Variants in EPHA5 observed in about 807,000 individuals in gnomAD.
EPHA5 encodes EPH receptor A5.
In EPHA5, 60 loss-of-function variants were observed where a neutral mutation model predicts 105.0. The observed-to-expected ratio is 0.57, with a 90% CI of 0.46 to 0.71. The LOEUF (loss-of-function observed/expected upper bound fraction) is 0.71, where lower values mean the gene tolerates loss of function less well. Among genes scored for constraint, EPHA5 ranks in the 30% least tolerant of loss-of-function variants. EPHA5 has a pLI of 0.00. For missense variants in EPHA5, 1,218 were observed against 1,274.7 expected (o/e 0.96, Z 0.68); for synonymous variants, 513 against 449.1 (o/e 1.14, Z -1.80).
Position 65,386,260 on chromosome 4 carries a change from A to C in EPHA5, c.1793+18114T>G, listed in dbSNP as rs1025901893. 3.3e-5 allele frequency among the ~76,000 whole-genome samples: 5 copies of C among 152,074 alleles called. No homozygotes were observed. The South Asian group carries it at 8.3e-4, about 25-fold the overall frequency. On this transcript the variant is annotated intron_variant, in intron 8 of 16. Transcript: ENST00000613740. ...CTAATGACTGTACTTTTTGCTTATA[A>C]GTGAATGATCTCATTAAATCTAAAA... is the stretch of plus-strand genomic sequence containing the variant.
At chr4:65,557,800 A>G (rs1738603498) in intron 3 of EPHA5, among the ~76,000 whole-genome samples, 1 of 152,156 alleles carries the variant, frequency 6.6e-6, no homozygotes, top group African/African-American at 2.4e-5. Context: ...GTGAGTTCAA[A>G]AACGAAAATG....
chr4:65,448,762 T>G (rs192526178), intron 5 of EPHA5, among the ~76,000 whole-genome samples: 42 of 152,318 alleles, frequency 2.8e-4, no homozygotes, highest in African/African-American at 9.6e-4. Context: ...TATGTGAGTG[T>G]ATTATATATT....
intron 3 of EPHA5, among the ~76,000 whole-genome samples, chr4:65,499,250 A>G (rs1732249625): frequency 6.6e-6 from 1 of 151,706 alleles, no homozygotes; most frequent in Admixed American, 6.6e-5. Flanking sequence ...AATAGAATAA[A>G]ATGTATCCTT....
intron 11 of EPHA5, among the ~76,000 whole-genome samples, chr4:65,364,108 A>G (rs746492085): frequency 6.6e-6 from 1 of 151,542 alleles, no homozygotes; most frequent in African/African-American, 2.4e-5. Flanking sequence ...ATGTGTGGGT[A>G]TATACTCAAC....
intron 3 of EPHA5, among the ~76,000 whole-genome samples, chr4:65,559,167 A>C (rs1365976243): frequency 1.3e-5 from 2 of 152,004 alleles, no homozygotes; most frequent in African/African-American, 4.8e-5. Context: ...TTTGTGGTAA[A>C]TTTCCCTATT....
chr4:65,590,063 A>T (rs935173658), intron 3 of EPHA5, among the ~76,000 whole-genome samples: 1 of 152,194 alleles, frequency 6.6e-6, no homozygotes, highest in African/African-American at 2.4e-5. Context: ...ACTTTCCAGC[A>T]TTCATTCTCC....
intron 5 of EPHA5, among the ~76,000 whole-genome samples, chr4:65,475,020 G>A (rs935458967): frequency 6.6e-6 from 1 of 152,008 alleles, no homozygotes; most frequent in Non-Finnish European, 1.5e-5. Flanking sequence ...TCACAGATGT[G>A]TACATTTGAT....
At chr4:65,651,012 TG>T (rs1266390558) in intron 1 of EPHA5, among the ~76,000 whole-genome samples, 2 of 152,202 alleles carry the variant, frequency 1.3e-5, no homozygotes, top group African/African-American at 4.8e-5. Flanking sequence ...TCCAATTATG[TG>T]GTCCCACTAT....
At position 65,612,320 on chromosome 4, in the gene EPHA5, C is replaced by A. The variant is rs528695892; in HGVS notation, c.247-10016G>T. On this transcript the variant is annotated intron_variant, in intron 2 of 16. Transcript: ENST00000613740. Reference sequence around the variant, plus strand: ...TTAAGTAATTTCTCATCCCTCATCCCCCTCCCACCCTCTCACCTTGCCGAG... The same window carrying A: ...TTAAGTAATTTCTCATCCCTCATCCACCTCCCACCCTCTCACCTTGCCGAG... Among the ~76,000 whole-genome samples the A allele has an allele frequency of 1.1e-4, 17 of 152,114 alleles. No individual in the cohort carries two copies. The South Asian group carries it at 3.1e-3, about 28-fold the overall frequency.
chr4:65,537,275 A>G (rs1736378505), intron 3 of EPHA5, among the ~76,000 whole-genome samples: 1 of 151,800 alleles, frequency 6.6e-6, no homozygotes, highest in Admixed American at 6.6e-5. Flanking sequence ...CAAGGAACAA[A>G]ACTAATATGC....
intron 15 of EPHA5, among the ~76,000 whole-genome samples, chr4:65,332,710 T>C (rs1455791078): frequency 1.3e-5 from 2 of 151,774 alleles, no homozygotes; most frequent in Non-Finnish European, 2.9e-5. Context: ...ACATAATATT[T>C]CTCTAAAAAT....
At chr4:65,483,641 A>T (rs1730599262) in intron 5 of EPHA5, among the ~76,000 whole-genome samples, 3 of 152,230 alleles carry the variant, frequency 2.0e-5, no homozygotes, top group African/African-American at 7.2e-5. Context: ...TCACCAAAAA[A>T]AATTTGCGTA....
At chr4:65,580,034 G>A (rs1433337312) in intron 3 of EPHA5, among the ~76,000 whole-genome samples, 1 of 151,846 alleles carries the variant, frequency 6.6e-6, no homozygotes, top group African/African-American at 2.4e-5. Context: ...ATACAACAGA[G>A]TGCTGAGCCT....
intron 1 of EPHA5, among the ~76,000 whole-genome samples, chr4:65,652,295 C>A (rs1748682158): frequency 6.6e-6 from 1 of 152,090 alleles, no homozygotes; most frequent in African/African-American, 2.4e-5. Flanking sequence ...TTCTATGGTT[C>A]CAGTTCTGCT....
At chr4:65,412,689 T>G (rs1723025516) in intron 7 of EPHA5, among the ~76,000 whole-genome samples, 1 of 152,244 alleles carries the variant, frequency 6.6e-6, no homozygotes, top group African/African-American at 2.4e-5. Context: ...GGAAAAGTTT[T>G]AAAAGTAGCT....
chr4:65,450,120 A>G (rs547390711), intron 5 of EPHA5, among the ~76,000 whole-genome samples: 22 of 152,318 alleles, frequency 1.4e-4, no homozygotes, highest in Middle Eastern at 6.8e-3. Flanking sequence ...TTTTTTTACT[A>G]ATGTCTACAT....
intron 9 of EPHA5, 125 bp downstream of exon 9, chr4:65,367,232 C>G: frequency 1.2e-6 from 1 of 813,514 alleles, no homozygotes; most frequent in Non-Finnish European, 1.8e-6. Context: ...AAATAGAACA[C>G]TTTTAAAAAA....
chr4:65,620,926 T>G (rs556718141), intron 2 of EPHA5, among the ~76,000 whole-genome samples: 10 of 152,072 alleles, frequency 6.6e-5, no homozygotes, highest in African/African-American at 1.2e-4. Flanking sequence ...TTCTCAGAGA[T>G]AGGAGGAAAA....
intron 3 of EPHA5, among the ~76,000 whole-genome samples, chr4:65,557,296 G>A (rs1037607206): frequency 1.5e-5 from 2 of 133,988 alleles, no homozygotes; most frequent in African/African-American, 5.6e-5. Flanking sequence ...TCTTATTAAC[G>A]TTTGGGCACA....
Sources: gnomAD v4.1 joint callset for allele counts (sites outside exome capture counted in the v4.1 genomes callset) on GRCh38, gnomAD v4.1.1 for gene constraint, MANE v1.5 for transcripts, NCBI Gene and HGNC (gene_info 2026-07-23, HGNC 2026-07-21) for gene names.